The following ARFGEF3 variants were observed in gnomAD, a reference collection of about 807,000 sequenced individuals.
ARFGEF3 encodes brefeldin A-inhibited guanine nucleotide-exchange protein 3.
Under a neutral mutation model 221.7 loss-of-function variants are expected in ARFGEF3, and 96 were observed. That is an observed-to-expected ratio of 0.43 (90% confidence interval 0.37 to 0.51). The LOEUF (loss-of-function observed/expected upper bound fraction) is 0.51, where lower values mean the gene tolerates loss of function less well. Ranked by LOEUF, ARFGEF3 falls within the 20% of genes least tolerant of loss-of-function variation. ARFGEF3 has a pLI of 0.00. For synonymous variants in ARFGEF3, 1,145 were observed against 1,126.8 expected (o/e 1.02, Z -0.32); for missense variants, 2,410 against 2,789.9 (o/e 0.86, Z 3.07).
At chr6:138,247,875 G>A (rs1034650044) in intron 8 of ARFGEF3, among the ~76,000 whole-genome samples, 3 of 152,210 alleles carry the variant, frequency 2.0e-5, no homozygotes, top group Non-Finnish European at 4.4e-5. Context: ...AGGAACACCT[G>A]AAGTTAACAG....
At chr6:138,279,916 C>G in intron 13 of ARFGEF3, 83 bp from the exon 14 acceptor site, 3 of 1,371,478 alleles carry the variant, frequency 2.2e-6, no homozygotes, top group East Asian at 2.3e-5. Context: ...GGCTCTGTGA[C>G]GTGAAGAGGC....
chr6:138,211,049 T>C (rs1486037882), intron 4 of ARFGEF3, among the ~76,000 whole-genome samples: 2 of 152,208 alleles, frequency 1.3e-5, no homozygotes, highest in Non-Finnish European at 2.9e-5. Flanking sequence ...TAGCAGAATG[T>C]CCTTGGACAG....
In ARFGEF3 at chr6:138,257,182, G is replaced by A. The variant is rs182957844; in HGVS notation, c.1104+1413G>A. Among the ~76,000 whole-genome samples, 36 of 152,312 alleles carry A rather than the reference G, an allele frequency of 2.4e-4. No individual in the cohort carries two copies. In the East Asian group the frequency reaches 5.8e-3, roughly 24 times the overall value. On this transcript the variant is annotated intron_variant, in intron 10 of 33. Coordinates refer to ENST00000251691, the MANE Select transcript of ARFGEF3 (RefSeq NM_020340.5). ...AGAATTGATCTTCACTAGATGGGCA[G>A]ATAAAATACAGCTTTGGAGGCCAGT...
intron 12 of ARFGEF3, among the ~76,000 whole-genome samples, chr6:138,269,799 C>A (rs1778966286): frequency 6.6e-6 from 1 of 151,352 alleles, no homozygotes; most frequent in Non-Finnish European, 1.5e-5. Flanking sequence ...AAGAGCCAAA[C>A]CCTATCTCAA....
rs1779462095 is a variant in ARFGEF3 at position 138,294,004 on chromosome 6, A to G, written c.3380A>G (p.Asp1127Gly). The change falls in exon 20 of 34, where the codon GAT (aspartate) becomes GGT (glycine). Residue 1127 changes from aspartate (D) to glycine (G), a missense_variant. Asp to Gly is a moderately conservative substitution (Grantham distance 94, BLOSUM62 -1). Transcript: ENST00000251691. The part of the protein sequence containing the change: ...LSTQADRLFE[D>G]ATDKLNLMAL... The stretch of plus-strand genomic sequence containing the variant: ...CTGTTTGCATCCAGGCTCTTTGAAG[A>G]TGCTACGGATAAGTTGAACCTCATG... The G allele has an allele frequency of 3.7e-6, 6 of 1,613,684 alleles. No individual in the cohort carries two copies. The highest frequency in any genetic ancestry group is 4.2e-6 in the Non-Finnish European group (5 of 1,179,828).
intron 2 of ARFGEF3, among the ~76,000 whole-genome samples, chr6:138,187,255 T>C (rs1777207908): frequency 6.6e-6 from 1 of 152,198 alleles, no homozygotes; most frequent in African/African-American, 2.4e-5. Context: ...TCAAACTTCC[T>C]AGAGCCTTGT....
In ARFGEF3 at chr6:138,319,795, G is replaced by C. The variant is rs955493067; in HGVS notation, c.4567G>C (p.Asp1523His). 1.2e-6 allele frequency: 2 copies of C among 1,613,880 alleles called. No homozygotes were observed. The highest frequency in any genetic ancestry group is 1.7e-6 in the Non-Finnish European group (2 of 1,179,884). ...GAGCCATAAAGACCATTCCTACTGGGATATGGCCTCTGCCAATTTCAAGCA... is the reference window on the plus strand; with the variant it reads ...GAGCCATAAAGACCATTCCTACTGGCATATGGCCTCTGCCAATTTCAAGCA... ...RRSHKDHSYW[D>H]MASANFKHAI... Residue 1523 changes from aspartate (D) to histidine (H), a missense_variant, in exon 28 of 34, where the codon GAT becomes CAT. Asp to His is a moderately conservative substitution (Grantham distance 81, BLOSUM62 -1). Around this residue, in one of 5 missense-constraint regions of ARFGEF3, gnomAD observed 723 missense variants for 991.9 expected, o/e 0.73. Coordinates refer to ENST00000251691, the MANE Select transcript of ARFGEF3 (RefSeq NM_020340.5).
chr6:138,327,999 G>A, intron 31 of ARFGEF3, 22 bp from the exon 32 acceptor site: 1 of 1,549,160 alleles, frequency 6.5e-7, no homozygotes, highest in South Asian at 1.2e-5. Flanking sequence ...GTTCTGAAAT[G>A]TACCTTTGCA....
rs1485347229 is a variant in ARFGEF3 at position 138,334,031 on chromosome 6, T to C, written c.5185T>C (p.Tyr1729His). ...TCATCAGGTGTTACTCCAGAACTTA[T>C]ATGACATCTTGTTAGAAGAGTTTGT... ...LSHQVLLQNL[Y>H]DILLEEFVKG... Residue 1729 changes from tyrosine to histidine, a missense_variant, in exon 33 of 34, where the codon TAT becomes CAT. By Grantham distance (83) the Tyr-to-His change is moderately conservative. Transcript: ENST00000251691. The surrounding 1 kb of genome is among the most constrained non-coding windows in gnomAD (Gnocchi z 5.1). The C allele has an allele frequency of 4.3e-6, 7 of 1,613,824 alleles. No homozygotes were observed. Among genetic ancestry groups the C allele is most frequent in the East Asian group, 2.2e-5 (1 of 44,874 alleles).
intron 4 of ARFGEF3, among the ~76,000 whole-genome samples, chr6:138,228,632 A>G (rs988096932): frequency 1.3e-5 from 2 of 152,200 alleles, no homozygotes; most frequent in Non-Finnish European, 2.9e-5. Flanking sequence ...TTAATTGCAT[A>G]CATACTTGCT....
chr6:138,233,615 GATCC>G (rs1311174000), intron 5 of ARFGEF3, among the ~76,000 whole-genome samples: 2 of 152,120 alleles, frequency 1.3e-5, no homozygotes, highest in Admixed American at 1.3e-4. Context: ...CTGACCTCGT[GATCC>G]ACCCGCCTCG....
intron 2 of ARFGEF3, among the ~76,000 whole-genome samples, chr6:138,175,204 G>C (rs1776916423): frequency 6.6e-6 from 1 of 152,172 alleles, no homozygotes; most frequent in Non-Finnish European, 1.5e-5. Flanking sequence ...ATGCCAGGGA[G>C]GGAGGCAGGT....
intron 5 of ARFGEF3, among the ~76,000 whole-genome samples, chr6:138,233,814 A>G (rs1778236654): frequency 6.6e-6 from 1 of 152,186 alleles, no homozygotes; most frequent in African/African-American, 2.4e-5. Flanking sequence ...TTTATCTCGG[A>G]AGCACCTTGT....
intron 2 of ARFGEF3, among the ~76,000 whole-genome samples, chr6:138,188,101 C>G (rs1211401195): frequency 6.6e-6 from 1 of 152,170 alleles, no homozygotes; most frequent in African/African-American, 2.4e-5. Flanking sequence ...TCCATGTGAA[C>G]ATCTTTATCA....
At chr6:138,263,648 T>G (rs778359548) in intron 12 of ARFGEF3, 37 bp downstream of exon 12, 1 of 1,537,018 alleles carries the variant, frequency 6.5e-7, no homozygotes, top group African/African-American at 1.4e-5. Flanking sequence ...GTCAACAAGA[T>G]TATTCAGAGC....
chr6:138,263,617 T>C lies in ARFGEF3; in HGVS notation c.2128+6T>C, dbSNP rs1271843679. ...TGCCTCTACTTTCTGCTCAGGTTTG[T>C]AAACAATTCTCTGCTGTATAGTCAA... On this transcript the variant is annotated splice_donor_region_variant and intron_variant, in intron 12 of 33. Transcript: ENST00000251691. The C allele has an allele frequency of 6.3e-7, 1 of 1,588,314 alleles. No individual in the cohort carries two copies. The highest frequency in any genetic ancestry group is 8.6e-7 in the Non-Finnish European group (1 of 1,168,698).
chr6:138,176,267 C>T (rs145545463), intron 2 of ARFGEF3, among the ~76,000 whole-genome samples: 1 of 151,728 alleles, frequency 6.6e-6, no homozygotes, highest in African/African-American at 2.4e-5. Flanking sequence ...CTGCAACCTC[C>T]ACCTCCTGAG....
At chr6:138,245,394 C>G in intron 7 of ARFGEF3, 119 bp from the exon 8 acceptor site, 1 of 715,716 alleles carries the variant, frequency 1.4e-6, no homozygotes, top group Non-Finnish European at 2.5e-6. Context: ...TTCTCCACAT[C>G]TGAAAATCAT....
intron 2 of ARFGEF3, among the ~76,000 whole-genome samples, chr6:138,186,902 C>CTTTTTTT (rs71693484): frequency 7.9e-4 from 60 of 76,044 alleles, no homozygotes; most frequent in African/African-American, 1.1e-3. Context: ...CATCCTTTTT[C>CTTTTTTT]TTTTTTTTTT....
Sources: gnomAD v4.1 joint callset for allele counts (sites outside exome capture counted in the v4.1 genomes callset) on GRCh38, gnomAD v4.1.1 for gene constraint, gnomAD v4.1.1 regional missense constraint, Gnocchi (gnomAD v3.1) non-coding constraint, MANE v1.5 for transcripts, NCBI Gene and HGNC (gene_info 2026-07-23, HGNC 2026-07-21) for gene names.